Variants in PTPRN2 observed in about 807,000 individuals in gnomAD.
The protein encoded by PTPRN2 is protein tyrosine phosphatase receptor type N2.
Under a neutral mutation model 118.8 loss-of-function variants are expected in PTPRN2, and 74 were observed. That is an observed-to-expected ratio of 0.62 (90% CI 0.52 to 0.76). PTPRN2 has a LOEUF of 0.76. PTPRN2 is among the 30% of genes least tolerant of loss of function. The probability of loss-of-function intolerance (pLI) is 0.00; values close to 1 mark genes in which losing one functional copy is unlikely to be tolerated. For missense variants in PTPRN2, 1,481 were observed against 1,394.4 expected (o/e 1.06, Z -0.99); for synonymous variants, 641 against 608.0 (o/e 1.05, Z -0.80).
chr7:158,389,874 G>T (rs1479542244), intron 2 of PTPRN2, among the ~76,000 whole-genome samples: 1 of 152,242 alleles, frequency 6.6e-6, no homozygotes, highest in Admixed American at 6.5e-5. Flanking sequence ...AAGGTTGTGG[G>T]ATGTTAATGG....
chr7:158,374,803 G>A (rs1200181024), intron 2 of PTPRN2, among the ~76,000 whole-genome samples: 3 of 152,164 alleles, frequency 2.0e-5, no homozygotes, highest in East Asian at 1.9e-4. Context: ...GCGGGGATGT[G>A]GTTTCATGGG....
At chr7:158,523,695 G>A (rs1443060399) in intron 1 of PTPRN2, among the ~76,000 whole-genome samples, 1 of 144,004 alleles carries the variant, frequency 6.9e-6, no homozygotes, top group Non-Finnish European at 1.5e-5. Flanking sequence ...GTCTGCCCTG[G>A]AGTGGAGTCG....
intron 11 of PTPRN2, among the ~76,000 whole-genome samples, chr7:158,042,416 G>C (rs1341918323): frequency 6.6e-6 from 1 of 152,038 alleles, no homozygotes; most frequent in Admixed American, 6.6e-5. Context: ...CCAGACACAG[G>C]GTAGGATCCA....
At chr7:157,889,949 A>G (rs116164941) in intron 12 of PTPRN2, among the ~76,000 whole-genome samples, 1,810 of 152,372 alleles carry the variant, frequency 0.012, 43 homozygotes, top group African/African-American at 0.041. Context: ...ATCTCTGTGC[A>G]CACACATGTT....
chr7:158,010,073 A>G (rs1215694553), intron 11 of PTPRN2, among the ~76,000 whole-genome samples: 1 of 152,080 alleles, frequency 6.6e-6, no homozygotes, highest in African/African-American at 2.4e-5. Context: ...AGAGCACTTC[A>G]TCTTGTCCCT....
chr7:158,072,012 GTA>G (rs1491405757), intron 11 of PTPRN2, among the ~76,000 whole-genome samples: 5 of 100,734 alleles, frequency 5.0e-5, no homozygotes, highest in African/African-American at 1.2e-4. Flanking sequence ...GGTGCTCGTC[GTA>G]TGGAGGTGCT....
Position 157,790,141 on chromosome 7 carries a change from GGT to G in PTPRN2, c.1789-107206_1789-107205del, listed in dbSNP as rs1441703565. On this transcript the variant is annotated intron_variant, in intron 12 of 22. Coordinates refer to ENST00000389418, the MANE Select transcript of PTPRN2 (RefSeq NM_002847.5). ...GTGTGTGTGGTGTGTGTGTGGTGGGGGTGTGTGTGGTGTGAATGTGGTGTGTG... is the reference window on the plus strand; with the variant it reads ...GTGTGTGTGGTGTGTGTGTGGTGGGGGTGTGTGGTGTGAATGTGGTGTGTG... Among the ~76,000 whole-genome samples the G allele has an allele frequency of 1.5e-4, 21 of 139,698 alleles. No individual in the cohort carries two copies. The East Asian group carries it at 1.6e-3, about 10-fold the overall frequency. The allele number at this position is 139,698 out of a possible 152,430, so 91.6% of individuals were successfully genotyped here.
intron 12 of PTPRN2, among the ~76,000 whole-genome samples, chr7:157,836,531 T>C (rs964231116): frequency 2.6e-5 from 4 of 151,910 alleles, no homozygotes; most frequent in Admixed American, 2.6e-4. Flanking sequence ...CAGAACCACA[T>C]AAAGACCAAA....
At chr7:158,163,036 T>C (rs1197522822) in intron 6 of PTPRN2, among the ~76,000 whole-genome samples, 1 of 152,194 alleles carries the variant, frequency 6.6e-6, no homozygotes, top group East Asian at 1.9e-4. Flanking sequence ...AGAATGTCTG[T>C]CTAGCTAGGG....
At chr7:158,155,589 TCACCATCATCATCAC>T in intron 6 of PTPRN2, among the ~76,000 whole-genome samples, 2 of 55,920 alleles carry the variant, frequency 3.6e-5, no homozygotes, top group African/African-American at 6.4e-5. Context: ...ATCACCATCA[TCACCATCATCATCAC>T]CATCACCATC....
In PTPRN2 at chr7:157,881,542, G is replaced by C. The variant is rs1584942386; in HGVS notation, c.1788+17131C>G. On this transcript the variant is annotated intron_variant, in intron 12 of 22. Transcript: ENST00000389418. This position sits in a 1 kb window ranked among gnomAD's most constrained non-coding sequence, Gnocchi z 4.7. ...CTGCAGTATTCTGTTGTGGCAGCCA[G>C]AGAGGACGCACATGGTCAACATGGC... 6.6e-6 allele frequency among the ~76,000 whole-genome samples: 1 copy of C among 152,134 alleles called. No individual in the cohort carries two copies. The highest frequency in any genetic ancestry group is 1.9e-4 in the East Asian group (1 of 5,190).
chr7:157,769,806 A>G (rs1284212639), intron 12 of PTPRN2, among the ~76,000 whole-genome samples: 1 of 152,052 alleles, frequency 6.6e-6, no homozygotes, highest in Non-Finnish European at 1.5e-5. Flanking sequence ...CATCTAAAAC[A>G]CTATCCCAGG....
chr7:158,362,429 A>G (rs1809066156), intron 2 of PTPRN2, among the ~76,000 whole-genome samples: 3 of 152,374 alleles, frequency 2.0e-5, no homozygotes, highest in Admixed American at 2.0e-4. Context: ...GTAATTAAAG[A>G]TGGCCTAATT....
intron 12 of PTPRN2, among the ~76,000 whole-genome samples, chr7:157,810,323 G>A (rs938362893): frequency 6.6e-5 from 10 of 152,360 alleles, no homozygotes; most frequent in African/African-American, 4.8e-5. Flanking sequence ...CGGGCGCCCT[G>A]GCACTGGGGG....
intron 3 of PTPRN2, among the ~76,000 whole-genome samples, chr7:158,247,862 C>A (rs887577205): frequency 6.6e-6 from 1 of 152,106 alleles, no homozygotes; most frequent in Non-Finnish European, 1.5e-5. Context: ...GTGATCCACC[C>A]ACCTTGGCCT....
intron 6 of PTPRN2, among the ~76,000 whole-genome samples, chr7:158,156,149 A>C: frequency 6.6e-6 from 1 of 152,174 alleles, no homozygotes; most frequent in East Asian, 1.9e-4. Flanking sequence ...CCTGGGATGA[A>C]GCTTCTCCTG....
rs116536161 is a variant in PTPRN2 at position 157,881,949 on chromosome 7, C to T, written c.1788+16724G>A. ...AATGTAGGAGATGAGAACACATCAC[C>T]CCAAAAATGACTGTCATACATCAGA... On this transcript the variant is annotated intron_variant, in intron 12 of 22. Transcript: ENST00000389418. This position sits in a 1 kb window ranked among gnomAD's most constrained non-coding sequence, Gnocchi z 4.7. 7.7e-3 allele frequency among the ~76,000 whole-genome samples: 1,169 copies of T among 152,290 alleles called. 17 individuals are homozygous for T. Among genetic ancestry groups the T allele is most frequent in the African/African-American group, 0.026 (1,094 of 41,550 alleles).
chr7:158,363,424 C>T (rs964772513), intron 2 of PTPRN2, among the ~76,000 whole-genome samples: 1 of 152,152 alleles, frequency 6.6e-6, no homozygotes, highest in Non-Finnish European at 1.5e-5. Flanking sequence ...TCGGAAAAAA[C>T]AAAACATACA....
intron 2 of PTPRN2, among the ~76,000 whole-genome samples, chr7:158,444,490 G>A (rs1037933643): frequency 6.6e-6 from 1 of 152,218 alleles, no homozygotes; most frequent in Non-Finnish European, 1.5e-5. Context: ...CTCCCGGCTG[G>A]GGGCAGGAAT....
Sources: gnomAD v4.1 joint callset for allele counts (sites outside exome capture counted in the v4.1 genomes callset) on GRCh38, gnomAD v4.1.1 for gene constraint, Gnocchi (gnomAD v3.1) non-coding constraint, MANE v1.5 for transcripts, NCBI Gene and HGNC (gene_info 2026-07-23, HGNC 2026-07-21) for gene names.